POU2F2: variants seen among roughly 807,000 people sequenced by gnomAD.
The protein encoded by POU2F2 is POU domain, class 2, transcription factor 2.
Under a neutral mutation model 63.5 loss-of-function variants are expected in POU2F2, and 14 were observed. The ratio of observed to expected loss-of-function variants is 0.22; its 90% CI spans 0.15 to 0.34. POU2F2 has a LOEUF of 0.34. Ranked by LOEUF, POU2F2 falls within the 10% of genes least tolerant of loss-of-function variation. The pLI, the probability that POU2F2 is intolerant of heterozygous loss-of-function variation, is 1.00. For missense variants in POU2F2, 607 were observed against 815.2 expected (o/e 0.74, Z 3.11); for synonymous variants, 306 against 348.6 (o/e 0.88, Z 1.36).
At chr19:42,193,774 A>T (rs1209277700) in intron 1 of POU2F2, among the ~76,000 whole-genome samples, 1 of 152,226 alleles carries the variant, frequency 6.6e-6, no homozygotes, top group African/African-American at 2.4e-5. Context: ...TCCCTATAGA[A>T]ACATAAGCAT....
intron 1 of POU2F2, among the ~76,000 whole-genome samples, chr19:42,164,483 A>G (rs1163411948): frequency 1.3e-5 from 2 of 152,004 alleles, no homozygotes; most frequent in Non-Finnish European, 2.9e-5. Flanking sequence ...AGGCAGGAGA[A>G]TCGCTTGAAC....
At chr19:42,131,694 A>C (rs1173886229) in intron 1 of POU2F2, among the ~76,000 whole-genome samples, 1 of 152,218 alleles carries the variant, frequency 6.6e-6, no homozygotes, top group African/African-American at 2.4e-5. Flanking sequence ...AAACAAACAC[A>C]TAATGAAATT....
chr19:42,092,314 G>A lies in POU2F2; in HGVS notation c.1265-44C>T, dbSNP rs190659644. 21 of 1,429,322 alleles carry A rather than the reference G, an allele frequency of 1.5e-5. No homozygotes were observed. The highest frequency in any genetic ancestry group is 9.9e-5 in the East Asian group (4 of 40,290). 88.5% of individuals were successfully genotyped at this position (1,429,322 alleles called of 1,614,324 possible). ...AAGATGGGGTCTTCAGCTTCCACTCGTCCCCCACTGAGGAACCTGGGGTCA... is the reference window on the plus strand; with the variant it reads ...AAGATGGGGTCTTCAGCTTCCACTCATCCCCCACTGAGGAACCTGGGGTCA... On this transcript the variant is annotated intron_variant, in intron 12 of 14. Coordinates refer to ENST00000692977, the MANE Select transcript of POU2F2 (RefSeq NM_001394376.1). This position sits in a 1 kb window ranked among gnomAD's most constrained non-coding sequence, Gnocchi z 5.0.
chr19:42,122,212 G>A (rs1486479172), intron 3 of POU2F2, 30 bp from the exon 4 acceptor site: 3 of 1,604,730 alleles, frequency 1.9e-6, no homozygotes, highest in South Asian at 1.1e-5. Flanking sequence ...GCAAGGGGAT[G>A]GGAATAGTGC....
At chr19:42,147,432 G>A (rs1244190962) in intron 2 of POU2F2, among the ~76,000 whole-genome samples, 1 of 152,144 alleles carries the variant, frequency 6.6e-6, no homozygotes, top group Admixed American at 6.5e-5. Flanking sequence ...TATTCTTTGG[G>A]ATAGACTTAT....
At position 42,095,656 on chromosome 19, in the gene POU2F2, G is replaced by T. The variant is rs770552277; in HGVS notation, c.909C>A (p.Asn303Lys). 1 of 1,612,868 alleles carries T rather than the reference G, an allele frequency of 6.2e-7. No homozygotes were observed. The highest frequency in any genetic ancestry group is 8.5e-7 in the Non-Finnish European group (1 of 1,179,842). The change falls in exon 10 of 15, where the codon AAC (asparagine) becomes AAA (lysine). Residue 303 changes from asparagine (N) to lysine (K), a missense_variant. This residue lies in a region of POU2F2 where 39 missense variants were observed against 36.3 expected (regional missense o/e 1.07). Coordinates refer to ENST00000692977, the MANE Select transcript of POU2F2 (RefSeq NM_001394376.1). The surrounding 1 kb of genome is among the most constrained non-coding windows in gnomAD (Gnocchi z 7.1). Reference protein sequence around the residue: ...MSVDSSLPSPNQLSSPSLGFD... With the variant: ...MSVDSSLPSPKQLSSPSLGFD... ...AACCCAGGCTGGGGCTGCTCAGCTG[G>T]TTGGGGCTGGGCAGGCTTGAGTCCA...
chr19:42,150,564 G>A (rs965767271), intron 2 of POU2F2, among the ~76,000 whole-genome samples: 1 of 150,734 alleles, frequency 6.6e-6, no homozygotes, highest in Non-Finnish European at 1.5e-5. Flanking sequence ...GGGGCCGGCA[G>A]GGGGGACGCG....
Position 42,089,239 on chromosome 19 carries a change from G to T in POU2F2, c.*2018C>A. On this transcript the variant is annotated 3_prime_UTR_variant, in exon 15 of 15. Transcript: ENST00000692977. ...AGAGCAAAGGGAGAGAGAGGAGACA[G>T]GAAGGAGGAGAGGAGAGAGGAAGGA... The T allele has an allele frequency of 6.6e-6, 1 of 152,636 alleles. No individual in the cohort carries two copies. The allele number at this position is 152,636 out of a possible 1,614,324, so 9.5% of individuals were successfully genotyped here. A position where few individuals can be genotyped will look rare whatever the true frequency, so the allele number is the denominator to read the frequency against.
chr19:42,154,809 A>G (rs1322693258), intron 2 of POU2F2, among the ~76,000 whole-genome samples: 1 of 152,096 alleles, frequency 6.6e-6, no homozygotes, highest in Non-Finnish European at 1.5e-5. Context: ...CCAGGCCAGA[A>G]GTCAGGGATG....
At chr19:42,154,856 AGCCACGGTG>A (rs1422788188) in intron 2 of POU2F2, among the ~76,000 whole-genome samples, 1 of 152,096 alleles carries the variant, frequency 6.6e-6, no homozygotes, top group Non-Finnish European at 1.5e-5. Flanking sequence ...GGCCCCTGTG[AGCCACGGTG>A]GGGAGGGGAC....
rs781662925 is a variant in POU2F2, at chr19:42,169,727, C to G, written c.-70+6236G>C. On this transcript the variant is annotated intron_variant, in intron 1 of 6. Coordinates refer to the POU2F2 transcript ENST00000524801. The surrounding 1 kb of genome is among the most constrained non-coding windows in gnomAD (Gnocchi z 4.3). The stretch of plus-strand genomic sequence containing the variant: ...GACTTACGTGGCCTCTCTAGTTTGG[C>G]GAATGAGTGCGCGCACACGTGTGTG... 6.6e-6 allele frequency among the ~76,000 whole-genome samples: 1 copy of G among 152,022 alleles called. No homozygotes were observed. Among genetic ancestry groups the G allele is most frequent in the African/African-American group, 2.4e-5 (1 of 41,364 alleles).
chr19:42,119,498 C>T (rs1048541902), intron 4 of POU2F2, among the ~76,000 whole-genome samples: 2 of 152,180 alleles, frequency 1.3e-5, no homozygotes, highest in African/African-American at 4.8e-5. Flanking sequence ...CATGGTGAAA[C>T]CCCATCTCTA....
chr19:42,177,647 GAGAGACACAGAGACACACGGACACAC>G (rs565107959), upstream of POU2F2, among the ~76,000 whole-genome samples: 1,075 of 152,032 alleles, frequency 7.1e-3, 6 homozygotes, highest in Non-Finnish European at 8.2e-3. Flanking sequence ...CAGAGATACT[GAGAGACACAGAGACACACGGACACAC>G]AGAGACACAG....
At chr19:42,114,329 G>C (rs2031555804) in intron 5 of POU2F2, among the ~76,000 whole-genome samples, 2 of 152,148 alleles carry the variant, frequency 1.3e-5, no homozygotes, top group Admixed American at 1.3e-4. Context: ...AGCAGATTCA[G>C]GCACGGCTGG....
Position 42,087,044 on chromosome 19 carries a change from G to A in POU2F2, c.*4213C>T, listed in dbSNP as rs369177242. 2.6e-5 allele frequency: 4 copies of A among 151,720 alleles called. No individual in the cohort carries two copies. Among genetic ancestry groups the A allele is most frequent in the African/African-American group, 4.8e-5 (2 of 41,294 alleles). 9.4% of individuals were successfully genotyped at this position (151,720 alleles called of 1,614,324 possible). A position where few individuals can be genotyped will look rare whatever the true frequency, so the allele number is the denominator to read the frequency against. On this transcript the variant is annotated 3_prime_UTR_variant, in exon 15 of 15. Transcript: ENST00000692977. ...AGTTTAAACCGCATGAAGGACTTGC[G>A]GCTTGGAGTTTTTGTGTATTTTTTT... is the stretch of plus-strand genomic sequence containing the variant.
At chr19:42,099,431 GA>G (rs2077043369) in intron 7 of POU2F2, 95 bp downstream of exon 7, 7 of 1,109,334 alleles carry the variant, frequency 6.3e-6, no homozygotes, top group South Asian at 1.3e-5. Context: ...GGGTCAAATG[GA>G]AAGGAGACTC....
At chr19:42,141,670 G>A (rs1452849909) in intron 2 of POU2F2, among the ~76,000 whole-genome samples, 1 of 151,790 alleles carries the variant, frequency 6.6e-6, no homozygotes, top group Non-Finnish European at 1.5e-5. Flanking sequence ...AGTAGAGACG[G>A]GGTTTCTCCA....
intron 5 of POU2F2, among the ~76,000 whole-genome samples, chr19:42,107,753 C>T (rs549740570): frequency 6.6e-6 from 1 of 152,140 alleles, no homozygotes; most frequent in Non-Finnish European, 1.5e-5. Context: ...TCTATGGAGT[C>T]CAAGTCCCTG....
rs1237952647 is a variant in POU2F2 at position 42,095,979 on chromosome 19, GCACTGGGCCCGCTCCGCCCGCC to G, written c.730-72_730-51del. 3.1e-6 allele frequency: 5 copies of G among 1,604,272 alleles called. No homozygotes were observed. Among genetic ancestry groups the G allele is most frequent in the Non-Finnish European group, 4.3e-6 (5 of 1,175,492 alleles). ...CCCGAAGTCAGGGTGGGGCCTTCCG[GCACTGGGCCCGCTCCGCCCGCC>G]CACTGGCCACGCCCCTCGCGGCATC... On this transcript the variant is annotated intron_variant, in intron 8 of 14. Coordinates refer to ENST00000692977, the MANE Select transcript of POU2F2 (RefSeq NM_001394376.1). The surrounding 1 kb of genome is among the most constrained non-coding windows in gnomAD (Gnocchi z 7.1).
Sources: allele counts gnomAD v4.1 joint callset (sites outside exome capture counted in the v4.1 genomes callset), GRCh38; gene constraint gnomAD v4.1.1; regional missense constraint gnomAD v4.1.1; non-coding constraint Gnocchi (gnomAD v3.1); transcripts MANE v1.5; gene names NCBI Gene and HGNC (gene_info 2026-07-23, HGNC 2026-07-21).